Variants in HOOK2 observed in about 807,000 individuals in gnomAD.
The protein encoded by HOOK2 is protein Hook homolog 2.
In HOOK2, 108 loss-of-function variants were observed where a neutral mutation model predicts 111.9. That is an observed-to-expected ratio of 0.96 (90% CI 0.83 to 1.13). The LOEUF (loss-of-function observed/expected upper bound fraction) is 1.13. Ranked by LOEUF, HOOK2 falls within the 50% of genes most tolerant of loss-of-function variation. The probability of loss-of-function intolerance (pLI) is 0.00; values close to 1 mark genes in which losing one functional copy is unlikely to be tolerated. For missense variants in HOOK2, 978 were observed against 951.3 expected, an observed-to-expected ratio of 1.03 and a Z score of -0.37; for synonymous variants, 405 against 394.3, an observed-to-expected ratio of 1.03 and a Z score of -0.32.
Position 12,790,028 on chromosome 19 carries a change from C to T in HOOK2, n.42-15803G>A, listed in dbSNP as rs1326580788. Reference sequence around the variant, plus strand: ...CGCGGACTCCCGCCTGTTGCCATGGCGACCAGGCCCCGCTCCTCGGCTGCG... The same window carrying T: ...CGCGGACTCCCGCCTGTTGCCATGGTGACCAGGCCCCGCTCCTCGGCTGCG... On this transcript the variant is annotated intron_variant and non_coding_transcript_variant, in intron 3 of 3. Coordinates refer to the HOOK2 transcript ENST00000589765. The surrounding 1 kb of genome is among the most constrained non-coding windows in gnomAD (Gnocchi z 7.2). Among the ~76,000 whole-genome samples, 1 of 152,194 alleles carries T rather than the reference C, an allele frequency of 6.6e-6. No homozygotes were observed. The highest frequency in any genetic ancestry group is 1.5e-5 in the Non-Finnish European group (1 of 68,010).
chr19:12,763,249 G>T lies in HOOK2; in HGVS notation c.*33C>A. ...TGTGAGCTGGAGGAAGCCAGGGTGG[G>T]TGGAGCCCAGGCTGGCTTGATTGTG... On this transcript the variant is annotated 3_prime_UTR_variant, in exon 23 of 23. Transcript: ENST00000397668. 1.2e-6 allele frequency: 2 copies of T among 1,600,892 alleles called. No homozygotes were observed. The highest frequency in any genetic ancestry group is 1.7e-6 in the Non-Finnish European group (2 of 1,171,188).
chr19:12,780,894 C>T (rs1388469268), upstream of HOOK2, among the ~76,000 whole-genome samples: 4 of 144,908 alleles, frequency 2.8e-5, no homozygotes, highest in East Asian at 2.1e-4. Flanking sequence ...AGGAGAATGG[C>T]GTGAACCCGG....
chr19:12,773,161 G>C, intron 3 of HOOK2, 117 bp from the exon 4 acceptor site: 1 of 988,290 alleles, frequency 1.0e-6, no homozygotes, highest in Admixed American at 1.8e-5. Context: ...TATTCTGTCT[G>C]CGTGCGCCTT....
Position 12,786,796 on chromosome 19 carries a change from C to T in HOOK2, n.42-12571G>A, listed in dbSNP as rs1968662017. Among the ~76,000 whole-genome samples, 1 of 152,194 alleles carries T rather than the reference C, an allele frequency of 6.6e-6. No individual in the cohort carries two copies. ...CACCCATGCAGAGTGTTTGGAGGAACCCTACTCCCACATGCTGGCCTGTCC... is the reference window on the plus strand; with the variant it reads ...CACCCATGCAGAGTGTTTGGAGGAATCCTACTCCCACATGCTGGCCTGTCC... On this transcript the variant is annotated intron_variant and non_coding_transcript_variant, in intron 3 of 3. Coordinates refer to the HOOK2 transcript ENST00000589765. This position sits in a 1 kb window ranked among gnomAD's most constrained non-coding sequence, Gnocchi z 4.3.
intron 3 of HOOK2, 166 bp downstream of exon 3, chr19:12,774,503 C>G: frequency 2.9e-6 from 2 of 685,574 alleles, no homozygotes; most frequent in South Asian, 3.4e-5. Flanking sequence ...GCTGAATGCC[C>G]AGGCCTGGCA....
At chr19:12,764,711 G>A (rs1173107962) in intron 20 of HOOK2, 103 bp downstream of exon 20, 3 of 884,492 alleles carry the variant, frequency 3.4e-6, no homozygotes, top group Non-Finnish European at 5.5e-6. Flanking sequence ...TGACAGGTAT[G>A]AGTTGGGGGC....
intron 3 of HOOK2, among the ~76,000 whole-genome samples, chr19:12,789,426 G>C (rs1968684391): frequency 6.6e-6 from 1 of 152,126 alleles, no homozygotes; most frequent in African/African-American, 2.4e-5. Context: ...TCAGATGACA[G>C]AGCTACTCTA....
At position 12,774,679 on chromosome 19, in the gene HOOK2, C is replaced by G. The variant is rs1268604378; in HGVS notation, c.194G>C (p.Trp65Ser). 6.2e-7 allele frequency: 1 copy of G among 1,614,154 alleles called. No homozygotes were observed. The highest frequency in any genetic ancestry group is 1.6e-4 in the Middle Eastern group (1 of 6,062). The change falls in exon 3 of 23, where the codon TGG (tryptophan) becomes TCG (serine). Residue 65 changes from tryptophan (W) to serine (S), a missense_variant. Transcript: ENST00000397668. ...GAGTCCACTTGTCACCTTCAGCTTC[C>G]AGTTGGGACCTGGATCTTCCGAGAT... is the stretch of plus-strand genomic sequence containing the variant. ...QGISEDPGPN[W>S]KLKVSNLKMV...
intron 7 of HOOK2, 46 bp from the exon 8 acceptor site, chr19:12,771,523 A>T: frequency 6.5e-7 from 1 of 1,528,422 alleles, no homozygotes; most frequent in Non-Finnish European, 9.0e-7. Flanking sequence ...CAGGAGAAGG[A>T]CGGGGGGAGG....
At chr19:12,767,277 C>A in intron 14 of HOOK2, 118 bp downstream of exon 14, 1 of 797,332 alleles carries the variant, frequency 1.3e-6, no homozygotes, top group Admixed American at 2.1e-5. Flanking sequence ...GCCCGGCTGG[C>A]ACCTGGAGCT....
rs971159479 is a variant in HOOK2, at chr19:12,786,162, G to A, written n.42-11937C>T. ...AACCACAGAGGTGGGAGAGGGAGGC[G>A]GCTGGTAGGCCAGGAGTTCCTGGGG... is the stretch of plus-strand genomic sequence containing the variant. On this transcript the variant is annotated intron_variant and non_coding_transcript_variant, in intron 3 of 3. Coordinates refer to the HOOK2 transcript ENST00000589765. This position sits in a 1 kb window ranked among gnomAD's most constrained non-coding sequence, Gnocchi z 4.3. 2.1e-4 allele frequency among the ~76,000 whole-genome samples: 32 copies of A among 152,320 alleles called. No homozygotes were observed. In the South Asian group the frequency reaches 2.9e-3, roughly 14 times the overall value.
chr19:12,767,317 T>C, intron 14 of HOOK2, 78 bp downstream of exon 14: 2 of 1,203,834 alleles, frequency 1.7e-6, no homozygotes, highest in Non-Finnish European at 2.4e-6. Context: ...TAGCAGAAGA[T>C]GGGAGGGCGG....
At chr19:12,771,951 C>T (rs1968349603) in intron 7 of HOOK2, 3 of 506,840 alleles carry the variant, frequency 5.9e-6, no homozygotes, top group Non-Finnish European at 7.0e-6. Context: ...GAAGGAAGAG[C>T]GATTCCAGAA....
chr19:12,773,972 A>G, intron 3 of HOOK2: 1 of 152,892 alleles, frequency 6.5e-6, no homozygotes, highest in Non-Finnish European at 1.5e-5. Flanking sequence ...GTTCCCCCAA[A>G]TTTCACTTGG....
intron 11 of HOOK2, among the ~76,000 whole-genome samples, chr19:12,769,507 C>T (rs1482893175): frequency 6.6e-6 from 1 of 152,168 alleles, no homozygotes; most frequent in African/African-American, 2.4e-5. Flanking sequence ...ACTACAACCT[C>T]GAAATCCTGG....
chr19:12,765,937 T>A lies in HOOK2; in HGVS notation c.1589A>T (p.Lys530Met). 6.2e-7 allele frequency: 1 copy of A among 1,614,048 alleles called. No individual in the cohort carries two copies. The highest frequency in any genetic ancestry group is 8.5e-7 in the Non-Finnish European group (1 of 1,179,944). ...LQKALQEQGG[K>M]TEDAISILLK... The stretch of plus-strand genomic sequence containing the variant: ...GTGGGTGACACTCACATCTTCAGTC[T>A]TGCCCCCCTGCTCCTGCAGGGCTTT... Residue 530 changes from lysine to methionine, a missense_variant, in exon 16 of 23, where the codon AAG (lysine) becomes ATG (methionine). Physicochemically the swap from Lys to Met is moderately conservative, Grantham distance 95. This residue lies in a region of HOOK2 where 277 missense variants were observed against 265.8 expected (regional missense o/e 1.04). Coordinates refer to ENST00000397668, the MANE Select transcript of HOOK2 (RefSeq NM_013312.3).
Position 12,763,283 on chromosome 19 carries a change from C to A in HOOK2, c.2159G>T (p.Ter720LeuextTer34). Residue 720 changes from the stop codon to leucine (L), a stop_lost, in exon 23 of 23, where the codon TGA becomes TTA. Coordinates refer to ENST00000397668, the MANE Select transcript of HOOK2 (RefSeq NM_013312.3). ...SLNLRPTDKH[*>L] ...AGGCTGGCTTGATTGTGAGGTCTGT[C>A]AGTGCTTGTCAGTGGGGCGAAGGTT... The A allele has an allele frequency of 6.2e-7, 1 of 1,612,704 alleles. No homozygotes were observed. The highest frequency in any genetic ancestry group is 1.3e-5 in the African/African-American group (1 of 75,016).
chr19:12,787,928 G>A (rs924796886), intron 3 of HOOK2, among the ~76,000 whole-genome samples: 2 of 152,088 alleles, frequency 1.3e-5, no homozygotes, highest in African/African-American at 4.8e-5. Flanking sequence ...GGTGGCATGC[G>A]CCTGTAATCC....
chr19:12,766,107 G>T lies in HOOK2; in HGVS notation c.1507C>A (p.His503Asn), dbSNP rs745779203. Residue 503 changes from histidine (H) to asparagine (N), a missense_variant, in exon 15 of 23, where the codon CAC becomes AAC. By Grantham distance (68) the His-to-Asn change is moderately conservative. Coordinates refer to ENST00000397668, the MANE Select transcript of HOOK2 (RefSeq NM_013312.3). ...NRARHGLETQ[H>N]RLNQQQLSEL... ...GGTAGGTCCCCAGGCGCTCACCGGT[G>T]CTGCGTCTCCAACCCGTGGCGCGCG... 4.1e-5 allele frequency: 66 copies of T among 1,602,332 alleles called. No homozygotes were observed. The highest frequency in any genetic ancestry group is 3.3e-4 in the Middle Eastern group (2 of 6,036).
Sources: allele counts gnomAD v4.1 joint callset (sites outside exome capture counted in the v4.1 genomes callset), GRCh38; gene constraint gnomAD v4.1.1; regional missense constraint gnomAD v4.1.1; non-coding constraint Gnocchi (gnomAD v3.1); transcripts MANE v1.5; gene names NCBI Gene and HGNC (gene_info 2026-07-23, HGNC 2026-07-21).